The following DLG1 variants were observed in gnomAD, a reference collection of about 807,000 sequenced individuals.
DLG1 encodes disks large homolog 1.
Under a neutral mutation model 123.4 loss-of-function variants are expected in DLG1, and 42 were observed. The observed-to-expected ratio is 0.34, with a 90% CI of 0.27 to 0.44. DLG1 has a LOEUF of 0.44. Among genes scored for constraint, DLG1 ranks in the 20% least tolerant of loss-of-function variants. The probability of loss-of-function intolerance (pLI) is 1.00; values close to 1 mark genes in which losing one functional copy is unlikely to be tolerated. For synonymous variants in DLG1, 317 were observed against 356.2 expected (o/e 0.89, Z 1.24); for missense variants, 942 against 1,082.6 (o/e 0.87, Z 1.82).
At chr3:197,252,008 C>T (rs572692334) in intron 4 of DLG1, among the ~76,000 whole-genome samples, 1 of 152,128 alleles carries the variant, frequency 6.6e-6, no homozygotes, top group African/African-American at 2.4e-5. Context: ...CCTGGCTGTA[C>T]AGAACAGTCT....
chr3:197,253,621 A>G lies in DLG1; in HGVS notation c.318+29058T>C, dbSNP rs1316896181. On this transcript the variant is annotated intron_variant, in intron 4 of 24. Coordinates refer to ENST00000667157, the MANE Select transcript of DLG1 (RefSeq NM_001366207.1). ...AGTTTATATATTTATTATTCCATTC[A>G]TATAGAATTGCTGAAATGACAAAAT... 3.3e-5 allele frequency among the ~76,000 whole-genome samples: 5 copies of G among 152,340 alleles called. No individual in the cohort carries two copies. In the East Asian group the frequency reaches 9.6e-4, roughly 29 times the overall value.
intron 3 of DLG1, among the ~76,000 whole-genome samples, chr3:197,290,240 A>T (rs751740725): frequency 6.6e-6 from 1 of 152,246 alleles, no homozygotes; most frequent in African/African-American, 2.4e-5. Flanking sequence ...AATAAAATGC[A>T]AAGTGTTAAC....
chr3:197,051,441 C>A (rs914888661), intron 24 of DLG1, 136 bp downstream of exon 24: 6 of 618,252 alleles, frequency 9.7e-6, no homozygotes, highest in Non-Finnish European at 1.4e-5. Context: ...TTCCCCAGCA[C>A]CACTGCCTAG....
chr3:197,254,953 G>A (rs1475540810), intron 4 of DLG1, among the ~76,000 whole-genome samples: 3 of 152,060 alleles, frequency 2.0e-5, no homozygotes, highest in Non-Finnish European at 4.4e-5. Flanking sequence ...CTACTCAGGA[G>A]GATGAGGCAG....
intron 14 of DLG1, among the ~76,000 whole-genome samples, chr3:197,091,441 C>T (rs1025863016): frequency 3.3e-5 from 5 of 151,848 alleles, no homozygotes; most frequent in Admixed American, 3.3e-4. Flanking sequence ...TTGACTTTTT[C>T]CCCTTGAGAC....
At chr3:197,081,222 A>T in intron 16 of DLG1, 105 bp from the exon 17 acceptor site, 1 of 1,020,860 alleles carries the variant, frequency 9.8e-7, no homozygotes, top group Non-Finnish European at 1.4e-6. Flanking sequence ...TTTATACTCT[A>T]AAACCTTTAA....
chr3:197,118,610 G>C (rs956470266), intron 12 of DLG1, among the ~76,000 whole-genome samples: 1 of 152,106 alleles, frequency 6.6e-6, no homozygotes, highest in Non-Finnish European at 1.5e-5. Flanking sequence ...TTTTAATGTT[G>C]AATCTGTAAT....
intron 23 of DLG1, among the ~76,000 whole-genome samples, chr3:197,057,185 TCCTCCTGCTTCGG>T (rs1271654233): frequency 6.6e-6 from 1 of 152,008 alleles, no homozygotes; most frequent in African/African-American, 2.4e-5. Context: ...GCTCAAGGGA[TCCTCCTGCTTCGG>T]CCTCCTAAGT....
At chr3:197,137,698 A>G (rs1257341610) in intron 9 of DLG1, among the ~76,000 whole-genome samples, 1 of 152,154 alleles carries the variant, frequency 6.6e-6, no homozygotes, top group African/African-American at 2.4e-5. Context: ...GGCCAGGTGC[A>G]GTGGCTCACA....
At chr3:197,171,825 T>A (rs1164989276) in intron 5 of DLG1, among the ~76,000 whole-genome samples, 1 of 152,192 alleles carries the variant, frequency 6.6e-6, no homozygotes, top group Non-Finnish European at 1.5e-5. Context: ...AATGCAATAA[T>A]GTGCTTTTTT....
chr3:197,289,260 A>G (rs889091262), intron 3 of DLG1, among the ~76,000 whole-genome samples: 3 of 152,306 alleles, frequency 2.0e-5, no homozygotes, highest in Middle Eastern at 6.8e-3. Flanking sequence ...TTAAGTATCA[A>G]TTCTCACAAG....
At chr3:197,197,237 G>A (rs1184950984) in intron 4 of DLG1, among the ~76,000 whole-genome samples, 1 of 152,088 alleles carries the variant, frequency 6.6e-6, no homozygotes, top group Admixed American at 6.5e-5. Flanking sequence ...TTAATCTCAC[G>A]TTCAGTCCTT....
intron 23 of DLG1, 52 bp downstream of exon 23, chr3:197,059,837 T>C: frequency 8.2e-7 from 1 of 1,222,604 alleles, no homozygotes; most frequent in Non-Finnish European, 1.2e-6. Flanking sequence ...TAAATTACCC[T>C]ACAGTGACTG....
rs1462208163 is a variant in DLG1, at chr3:197,083,809, A to ACAAAC, written c.1838+1770_1838+1771insGTTTG. Among the ~76,000 whole-genome samples, 4 of 151,794 alleles carry ACAAAC rather than the reference A, an allele frequency of 2.6e-5. 1 individual carries two copies. Among genetic ancestry groups the ACAAAC allele is most frequent in the Admixed American group, 2.6e-4 (4 of 15,232 alleles). On this transcript the variant is annotated intron_variant, in intron 16 of 24. Transcript: ENST00000667157. Reference sequence around the variant, plus strand: ...CCCATCTCCACAAACAAAAACAAAAACAAAAACAAAAACAAAAAACTTAGC... The same window carrying ACAAAC: ...CCCATCTCCACAAACAAAAACAAAAACAAACCAAAAACAAAAACAAAAAACTTAGC...
At chr3:197,235,083 C>A (rs939071874) in intron 4 of DLG1, among the ~76,000 whole-genome samples, 9 of 152,108 alleles carry the variant, frequency 5.9e-5, no homozygotes, top group African/African-American at 2.2e-4. Flanking sequence ...CAACAGTTTT[C>A]AGCACTGGAC....
chr3:197,065,411 T>C lies in DLG1; in HGVS notation c.2238A>G (p.Gly746=). Residue 746 remains glycine, a synonymous_variant, in exon 22 of 25, where the codon GGA becomes GGG. Coordinates refer to ENST00000667157, the MANE Select transcript of DLG1 (RefSeq NM_001366207.1). ...TRPKRDYEVD[G]RDYHFVTSRE... ...TTGAAGTCACAAAATGATAATCTCTTCCATCTACCTCATAATCTCGTTTTG... is the reference window on the plus strand; with the variant it reads ...TTGAAGTCACAAAATGATAATCTCTCCCATCTACCTCATAATCTCGTTTTG... The C allele has an allele frequency of 6.2e-7, 1 of 1,612,258 alleles. No homozygotes were observed. The highest frequency in any genetic ancestry group is 8.5e-7 in the Non-Finnish European group (1 of 1,179,456).
chr3:197,233,473 A>C (rs970067582), intron 4 of DLG1, among the ~76,000 whole-genome samples: 1 of 152,142 alleles, frequency 6.6e-6, no homozygotes, highest in Non-Finnish European at 1.5e-5. Context: ...TGCAACCTCC[A>C]CGTCGCAGGT....
intron 5 of DLG1, among the ~76,000 whole-genome samples, chr3:197,162,176 C>T (rs1048173303): frequency 5.3e-5 from 8 of 152,000 alleles, no homozygotes; most frequent in African/African-American, 7.2e-5. Context: ...TTTACAAATC[C>T]GTGATACTAA....
intron 1 of DLG1, chr3:197,297,593 C>G: frequency 9.8e-7 from 1 of 1,020,326 alleles, no homozygotes. Flanking sequence ...GGCCCCTGAG[C>G]CAGCAGCGGC....
Sources: allele counts gnomAD v4.1 joint callset (sites outside exome capture counted in the v4.1 genomes callset), GRCh38; gene constraint gnomAD v4.1.1; transcripts MANE v1.5; gene names NCBI Gene and HGNC (gene_info 2026-07-23, HGNC 2026-07-21).